STPG2: variants seen among roughly 807,000 people sequenced by gnomAD.
The protein encoded by STPG2 is sperm tail PG-rich repeat containing 2, also known as sperm-tail PG-rich repeat-containing protein 2.
Under a neutral mutation model 54.2 loss-of-function variants are expected in STPG2, and 56 were observed. The observed-to-expected ratio is 1.03, with a 90% CI of 0.83 to 1.29. The LOEUF is 1.29. Ranked by LOEUF, STPG2 falls within the 50% of genes most tolerant of loss-of-function variation. The pLI is 0.00. For missense variants in STPG2, 596 were observed against 544.9 expected (o/e 1.09, Z -0.93); for synonymous variants, 200 against 181.8 (o/e 1.10, Z -0.81).
chr4:98,075,740 A>C (rs1250933590), intron 5 of STPG2, among the ~76,000 whole-genome samples: 1 of 152,224 alleles, frequency 6.6e-6, no homozygotes, highest in Non-Finnish European at 1.5e-5. Flanking sequence ...ACTGAATAGT[A>C]TTAAATGAGA....
intron 3 of STPG2, among the ~76,000 whole-genome samples, chr4:98,119,049 G>C (rs1331379233): frequency 6.6e-6 from 1 of 152,050 alleles, no homozygotes; most frequent in Non-Finnish European, 1.5e-5. Flanking sequence ...TGGTAAAACT[G>C]GTTCAGGAAT....
At chr4:98,032,787 A>T in intron 5 of STPG2, among the ~76,000 whole-genome samples, 1 of 152,160 alleles carries the variant, frequency 6.6e-6, no homozygotes, top group East Asian at 1.9e-4. Flanking sequence ...GGATTAAGAA[A>T]CTCACTCAAA....
intron 8 of STPG2, among the ~76,000 whole-genome samples, chr4:97,913,757 C>T (rs1387417999): frequency 6.6e-6 from 1 of 152,034 alleles, no homozygotes; most frequent in Non-Finnish European, 1.5e-5. Flanking sequence ...AATTTTAAAA[C>T]TTTCTAGTGC....
At chr4:97,800,122 T>C (rs575410878) in intron 9 of STPG2, among the ~76,000 whole-genome samples, 1 of 152,352 alleles carries the variant, frequency 6.6e-6, no homozygotes, top group Admixed American at 6.5e-5. Context: ...TTGCGATGGA[T>C]TTGAACTTCC....
chr4:97,895,343 A>G (rs11731549), intron 8 of STPG2, among the ~76,000 whole-genome samples: 1,530 of 152,016 alleles, frequency 0.01, 14 homozygotes, highest in Non-Finnish European at 0.015. Context: ...GATATCACAT[A>G]AACTTTCAAG....
At chr4:97,468,106 T>C (rs750406325) in intron 4 of STPG2, among the ~76,000 whole-genome samples, 2 of 151,954 alleles carry the variant, frequency 1.3e-5, no homozygotes, top group Admixed American at 6.6e-5. Context: ...CAACAAAAAG[T>C]AAAAGAAAAG....
intron 10 of STPG2, among the ~76,000 whole-genome samples, chr4:97,710,955 T>A (rs1724093395): frequency 6.6e-6 from 1 of 151,804 alleles, no homozygotes; most frequent in South Asian, 2.1e-4. Flanking sequence ...ATAAAACCCA[T>A]AAATGTTTTC....
intron 7 of STPG2, among the ~76,000 whole-genome samples, chr4:97,946,658 C>A (rs1733236411): frequency 6.6e-6 from 1 of 151,690 alleles, no homozygotes; most frequent in Admixed American, 6.6e-5. Flanking sequence ...GTGTCCATTC[C>A]CCAATTTATG....
At position 98,043,766 on chromosome 4, in the gene STPG2, T is replaced by C. The variant is rs183798205; in HGVS notation, c.612+62187A>G. The stretch of plus-strand genomic sequence containing the variant: ...TCTAAATTCTTTTATGAATTTATTT[T>C]ATTTTTATTTTTTACTTTTAGGTTT... On this transcript the variant is annotated intron_variant, in intron 5 of 10. Coordinates refer to ENST00000295268, the MANE Select transcript of STPG2 (RefSeq NM_174952.3). Among the ~76,000 whole-genome samples the C allele has an allele frequency of 3.9e-5, 6 of 152,290 alleles. No homozygotes were observed. The East Asian group carries it at 1.2e-3, about 29-fold the overall frequency.
At chr4:97,557,828 C>CT (rs1463570324), downstream of STPG2, among the ~76,000 whole-genome samples, 4 of 152,154 alleles carry the variant, frequency 2.6e-5, no homozygotes, top group Non-Finnish European at 5.9e-5. Flanking sequence ...TTAAAATGAC[C>CT]TTTCAGCAAT....
At chr4:97,764,529 G>C (rs1289262372) in intron 9 of STPG2, among the ~76,000 whole-genome samples, 4 of 152,096 alleles carry the variant, frequency 2.6e-5, no homozygotes, top group Admixed American at 1.3e-4. Flanking sequence ...TGTTAGATGA[G>C]AGAATTAGTA....
At chr4:97,987,979 G>C (rs970672215) in intron 5 of STPG2, among the ~76,000 whole-genome samples, 1 of 149,446 alleles carries the variant, frequency 6.7e-6, no homozygotes, top group Non-Finnish European at 1.5e-5. Flanking sequence ...CCACCCAGTG[G>C]TTGCCAATCT....
rs34273190 is a variant in STPG2 at position 98,083,417 on chromosome 4, C to A, written c.612+22536G>T. 7.2e-5 allele frequency among the ~76,000 whole-genome samples: 11 copies of A among 151,932 alleles called. No homozygotes were observed. In the East Asian group the frequency reaches 2.1e-3, roughly 29 times the overall value. On this transcript the variant is annotated intron_variant, in intron 5 of 10. Coordinates refer to ENST00000295268, the MANE Select transcript of STPG2 (RefSeq NM_174952.3). ...AAGCAAATCTTTGGTGGAGCTTAAC[C>A]CTTTCATATATAGAAATTCTTGGAA...
chr4:97,566,251 T>A (rs982466791), intron 10 of STPG2, among the ~76,000 whole-genome samples: 5 of 152,082 alleles, frequency 3.3e-5, no homozygotes, highest in Non-Finnish European at 7.4e-5. Context: ...TGGTGCGGGA[T>A]ATAATCTCCT....
At chr4:97,459,794 T>C (rs933228110) in intron 4 of STPG2, among the ~76,000 whole-genome samples, 1 of 152,170 alleles carries the variant, frequency 6.6e-6, no homozygotes, top group Admixed American at 6.5e-5. Flanking sequence ...TTCAGATTTA[T>C]TTTTCACTTC....
chr4:97,737,922 A>G (rs1273108180), intron 9 of STPG2, among the ~76,000 whole-genome samples: 1 of 152,184 alleles, frequency 6.6e-6, no homozygotes, highest in African/African-American at 2.4e-5. Flanking sequence ...GATTCACCAA[A>G]GTTGAAATGA....
At chr4:97,561,295 GTTGT>G (rs1331654888) in intron 10 of STPG2, among the ~76,000 whole-genome samples, 1 of 151,460 alleles carries the variant, frequency 6.6e-6, no homozygotes, top group South Asian at 2.1e-4. Flanking sequence ...TTTTGATGGG[GTTGT>G]TTTTTTCTTG....
intron 7 of STPG2, among the ~76,000 whole-genome samples, chr4:97,964,583 T>C (rs1044830231): frequency 1.8e-4 from 27 of 152,054 alleles, no homozygotes. Flanking sequence ...AAAACTAATA[T>C]CTAAATTATA....
At position 97,444,399 on chromosome 4, in the gene STPG2, A is replaced by T. The variant is rs192328660; in HGVS notation, c.463-256566T>A. On this transcript the variant is annotated intron_variant, in intron 4 of 4. Coordinates refer to the STPG2 transcript ENST00000522676. Reference sequence around the variant, plus strand: ...TAACGCATAAAAAAGTTGTAAAAGCAGTCAGATAAATAAAAGACATTACCT... The same window carrying T: ...TAACGCATAAAAAAGTTGTAAAAGCTGTCAGATAAATAAAAGACATTACCT... Among the ~76,000 whole-genome samples the T allele has an allele frequency of 6.1e-4, 93 of 152,322 alleles. 2 individuals are homozygous for T. The East Asian group carries it at 0.017, about 28-fold the overall frequency.
Sources: gnomAD v4.1 joint callset for allele counts (sites outside exome capture counted in the v4.1 genomes callset) on GRCh38, gnomAD v4.1.1 for gene constraint, MANE v1.5 for transcripts, NCBI Gene and HGNC (gene_info 2026-07-23, HGNC 2026-07-21) for gene names.